UBE2D3: variants seen among roughly 807,000 people sequenced by gnomAD.
UBE2D3 encodes the protein ubiquitin conjugating enzyme E2 D3.
In UBE2D3, 2 loss-of-function variants were observed where a neutral mutation model predicts 22.8. That is an observed-to-expected ratio of 0.09 (90% CI 0.04 to 0.28). The LOEUF is 0.28. Ranked by LOEUF, UBE2D3 falls within the 10% of genes least tolerant of loss-of-function variation. The probability of loss-of-function intolerance (pLI) is 1.00; values close to 1 mark genes in which losing one functional copy is unlikely to be tolerated. For missense variants in UBE2D3, 27 were observed against 182.5 expected, an observed-to-expected ratio of 0.15 and a Z score of 4.91; for synonymous variants, 56 against 60.4, an observed-to-expected ratio of 0.93 and a Z score of 0.34.
intron 1 of UBE2D3, among the ~76,000 whole-genome samples, chr4:102,856,580 A>G (rs1732630111): frequency 1.3e-5 from 2 of 152,182 alleles, no homozygotes; most frequent in Admixed American, 6.5e-5. Context: ...AATATTTAAA[A>G]TCATAATATT....
chr4:102,826,786 T>TG, intron 1 of UBE2D3, 150 bp from the exon 2 acceptor site: 1 of 1,265,448 alleles, frequency 7.9e-7, no homozygotes, highest in Non-Finnish European at 1.0e-6. Flanking sequence ...CGGCCCGAAG[T>TG]GGGGGCGAGG....
intron 2 of UBE2D3, among the ~76,000 whole-genome samples, chr4:102,823,094 T>C (rs546452389): frequency 6.6e-6 from 1 of 152,312 alleles, no homozygotes; most frequent in African/African-American, 2.4e-5. Flanking sequence ...CTATCCCACA[T>C]GGTTGTCTTG....
chr4:102,813,351 A>C lies in UBE2D3; in HGVS notation c.25-3496T>G, dbSNP rs76736549. ...GCAGGTACGCATCACTATGTACAGC[A>C]ATTTGTTGAACAATAAATGTACATT... On this transcript the variant is annotated intron_variant, in intron 2 of 7. Transcript: ENST00000453744. Among the ~76,000 whole-genome samples, 190 of 152,300 alleles carry C rather than the reference A, an allele frequency of 1.2e-3. 1 individual carries two copies. Among genetic ancestry groups the C allele is most frequent in the African/African-American group, 4.5e-3 (187 of 41,568 alleles).
intron 4 of UBE2D3, among the ~76,000 whole-genome samples, chr4:102,808,363 TAGATA>T (rs1288537460): frequency 6.6e-6 from 1 of 152,200 alleles, no homozygotes; most frequent in Non-Finnish European, 1.5e-5. Context: ...GCTACCAAAT[TAGATA>T]AAAGTAAGTA....
At chr4:102,817,088 G>C (rs1234514538) in intron 2 of UBE2D3, among the ~76,000 whole-genome samples, 2 of 152,178 alleles carry the variant, frequency 1.3e-5, no homozygotes, top group African/African-American at 2.4e-5. Flanking sequence ...CAAGGAGTGA[G>C]AGAAGCATTC....
chr4:102,818,163 T>C (rs1217880359), intron 2 of UBE2D3, among the ~76,000 whole-genome samples: 2 of 152,162 alleles, frequency 1.3e-5, no homozygotes, highest in Admixed American at 1.3e-4. Flanking sequence ...TGACTTACTT[T>C]AGGAATTGCT....
At chr4:102,868,604 GTAGGGGGAGGA>G (rs1733292492) in intron 1 of UBE2D3, 1 of 1,410,618 alleles carries the variant, frequency 7.1e-7, no homozygotes, top group Non-Finnish European at 1.0e-6. Flanking sequence ...TGGGGTCTGG[GTAGGGGGAGGA>G]TACTCATGGG....
intron 1 of UBE2D3, among the ~76,000 whole-genome samples, chr4:102,847,934 A>C (rs1223988232): frequency 6.6e-6 from 1 of 152,106 alleles, no homozygotes; most frequent in East Asian, 1.9e-4. Flanking sequence ...ATTAGCCACC[A>C]TGCCCCTTAA....
chr4:102,798,982 T>C lies in UBE2D3; in HGVS notation c.398+425A>G, dbSNP rs141984049. The C allele has an allele frequency of 1.5e-4, 239 of 1,609,790 alleles. No individual in the cohort carries two copies. The East Asian group carries it at 3.9e-3, about 26-fold the overall frequency. ...TCTCTTGCTAACCTATTGTACCTAA[T>C]TGAACAAGTACACTTAGCATTAATT... On this transcript the variant is annotated intron_variant, in intron 7 of 7. Transcript: ENST00000453744.
At chr4:102,856,462 A>G (rs2110373967) in intron 1 of UBE2D3, among the ~76,000 whole-genome samples, 1 of 152,356 alleles carries the variant, frequency 6.6e-6, no homozygotes, top group East Asian at 1.9e-4. Context: ...CAGAATTTTA[A>G]TATTTTTGTG....
At chr4:102,828,148 G>C, upstream of UBE2D3, 1 of 985,502 alleles carries the variant, frequency 1.0e-6, no homozygotes, top group South Asian at 4.7e-5. Context: ...GAATGCTTAT[G>C]CCGGTGGTTG....
intron 1 of UBE2D3, among the ~76,000 whole-genome samples, chr4:102,837,734 G>A (rs986078876): frequency 2.0e-5 from 3 of 152,144 alleles, no homozygotes; most frequent in African/African-American, 4.8e-5. Flanking sequence ...GGCGGATCAC[G>A]AGGTCAGGAG....
At position 102,795,400 on chromosome 4, in the gene UBE2D3, T is replaced by C. The variant is rs1009773888; in HGVS notation, c.*2015A>G. 6 of 152,204 alleles carry C rather than the reference T, an allele frequency of 3.9e-5. No homozygotes were observed. The highest frequency in any genetic ancestry group is 2.1e-4 in the South Asian group (1 of 4,830). 9.4% of individuals were successfully genotyped at this position (152,204 alleles called of 1,614,324 possible). A position where few individuals can be genotyped will look rare whatever the true frequency, so the allele number is the denominator to read the frequency against. On this transcript the variant is annotated 3_prime_UTR_variant, in exon 8 of 8. Coordinates refer to ENST00000453744, the MANE Select transcript of UBE2D3 (RefSeq NM_181891.3). ...TGCATCTCAGAAGTAATTTTGAAAA[T>C]AGAGCCAAAGAGCAGTTTTTCTTAC...
At chr4:102,811,788 G>A (rs1350920576) in intron 2 of UBE2D3, 11 of 448,468 alleles carry the variant, frequency 2.5e-5, no homozygotes, top group Non-Finnish European at 4.4e-5. Context: ...AAGCAGAGGC[G>A]AGAGGACAGC....
At chr4:102,836,374 T>C (rs999387371) in intron 1 of UBE2D3, among the ~76,000 whole-genome samples, 13 of 152,134 alleles carry the variant, frequency 8.5e-5, no homozygotes, top group Admixed American at 7.2e-4. Flanking sequence ...CTCGAACTCC[T>C]GACCTCAGGT....
intron 1 of UBE2D3, among the ~76,000 whole-genome samples, chr4:102,838,561 T>G (rs948598748): frequency 3.3e-5 from 5 of 152,128 alleles, no homozygotes; most frequent in African/African-American, 1.2e-4. Context: ...GATGGAGAGT[T>G]TACCTTTGTG....
chr4:102,821,994 CTTTT>C (rs1729697346), intron 2 of UBE2D3, among the ~76,000 whole-genome samples: 1 of 152,086 alleles, frequency 6.6e-6, no homozygotes, highest in Non-Finnish European at 1.5e-5. Flanking sequence ...AACCTAGTTT[CTTTT>C]TTAATAGATA....
chr4:102,807,885 A>T (rs938100803), intron 4 of UBE2D3, among the ~76,000 whole-genome samples: 2 of 152,254 alleles, frequency 1.3e-5, no homozygotes, highest in African/African-American at 2.4e-5. Context: ...CAAAGTCTAA[A>T]CTGTCAAGCA....
chr4:102,830,561 T>G (rs569308449), upstream of UBE2D3, among the ~76,000 whole-genome samples: 1 of 152,112 alleles, frequency 6.6e-6, no homozygotes, highest in South Asian at 2.1e-4. Flanking sequence ...CATGAGAAAA[T>G]AGAAAGGATC....
Sources: gnomAD v4.1 joint callset for allele counts (sites outside exome capture counted in the v4.1 genomes callset) on GRCh38, gnomAD v4.1.1 for gene constraint, MANE v1.5 for transcripts, NCBI Gene and HGNC (gene_info 2026-07-23, HGNC 2026-07-21) for gene names.